Variants in MSH6 observed in about 807,000 individuals in gnomAD.
MSH6 encodes the protein mutS homolog 6, also known as DNA mismatch repair protein Msh6.
Under a neutral mutation model 119.1 loss-of-function variants are expected in MSH6, and 85 were observed. The observed-to-expected ratio is 0.71, with a 90% confidence interval of 0.60 to 0.85. The LOEUF is 0.85. Among genes scored for constraint, MSH6 ranks in the 40% least tolerant of loss-of-function variants. The probability of loss-of-function intolerance (pLI) is 0.00; values close to 1 mark genes in which losing one functional copy is unlikely to be tolerated. For synonymous variants in MSH6, 830 were observed against 586.9 expected (o/e 1.41, Z -5.99); for missense variants, 2,163 against 1,655.3 (o/e 1.31, Z -5.32).
At chr2:47,801,442 A>G in intron 4 of MSH6, 1 of 331,656 alleles carries the variant, frequency 3.0e-6, no homozygotes, top group Non-Finnish European at 5.3e-6. Context: ...AACCATGGCT[A>G]CTGCAGCCTC....
chr2:47,796,975 TCAA>T (rs1669136353), intron 3 of MSH6, among the ~76,000 whole-genome samples: 1 of 152,064 alleles, frequency 6.6e-6, no homozygotes, highest in Non-Finnish European at 1.5e-5. Context: ...AAGAAGACTG[TCAA>T]CAACAACAAA....
intron 7 of MSH6, among the ~76,000 whole-genome samples, chr2:47,805,964 C>T (rs1037665115): frequency 6.6e-6 from 1 of 152,122 alleles, no homozygotes; most frequent in Admixed American, 6.5e-5. Context: ...GATGAGAACA[C>T]TAATAGGAGG....
chr2:47,805,309 A>G (rs1255306990), intron 6 of MSH6, among the ~76,000 whole-genome samples: 2 of 151,940 alleles, frequency 1.3e-5, no homozygotes, highest in Non-Finnish European at 2.9e-5. Context: ...CCTCTCGAGT[A>G]GCTGGGATTA....
In MSH6 at chr2:47,805,470, G is replaced by GC. The variant is rs927803458; in HGVS notation, c.3557-145dup. The GC allele has an allele frequency of 1.5e-5, 10 of 684,550 alleles. No homozygotes were observed. The African/African-American group carries it at 1.6e-4, about 11-fold the overall frequency. The allele number at this position is 684,550 out of a possible 1,614,324, so 42.4% of individuals were successfully genotyped here. A position where few individuals can be genotyped will look rare whatever the true frequency, so the allele number is the denominator to read the frequency against. ...TGGGATTACAGGCGTGAGCCACCGT[G>GC]CCCGGCCAATAATTGCATAGTCTCT... On this transcript the variant is annotated intron_variant, in intron 6 of 9. Coordinates refer to ENST00000234420, the MANE Select transcript of MSH6 (RefSeq NM_000179.3).
At chr2:47,792,106 A>C (rs1377586333) in intron 2 of MSH6, among the ~76,000 whole-genome samples, 1 of 152,036 alleles carries the variant, frequency 6.6e-6, no homozygotes, top group African/African-American at 2.4e-5. Context: ...TCCCCCTACC[A>C]AAGTGCTGGG....
chr2:47,788,922 GTTTTTTTTTTT>G lies in MSH6; in HGVS notation c.261-1990_261-1980del, dbSNP rs1558650240. On this transcript the variant is annotated intron_variant, in intron 1 of 9. Coordinates refer to ENST00000234420, the MANE Select transcript of MSH6 (RefSeq NM_000179.3). The stretch of plus-strand genomic sequence containing the variant: ...TTTCTTCTTCCTTTTTTTTTTTTTT[GTTTTTTTTTTT>G]TTTTTTTTTTTTTTGTGAGACGGAG... Among the ~76,000 whole-genome samples, 18 of 40,954 alleles carry G rather than the reference GTTTTTTTTTTT, an allele frequency of 4.4e-4. 1 individual carries two copies. Among genetic ancestry groups the G allele is most frequent in the Admixed American group, 2.0e-3 (5 of 2,552 alleles). 26.9% of individuals were successfully genotyped at this position (40,954 alleles called of 152,430 possible). A position where few individuals can be genotyped will look rare whatever the true frequency, so the allele number is the denominator to read the frequency against.
intron 4 of MSH6, chr2:47,801,360 A>ATTTTTTTTTTTTT (rs1220786181): frequency 4.6e-4 from 27 of 58,356 alleles, no homozygotes; most frequent in Admixed American, 6.6e-4. Flanking sequence ...GCCTTTCTTC[A>ATTTTTTTTTTTTT]GTTTTTTTTT....
In MSH6 at chr2:47,806,882, G is replaced by GAGTT. The variant is rs781241504; in HGVS notation, c.*23_*26dup. On this transcript the variant is annotated 3_prime_UTR_variant, in exon 10 of 10. Coordinates refer to ENST00000234420, the MANE Select transcript of MSH6 (RefSeq NM_000179.3). ...ATAGACTGACTACATTGGAAGCTTTGAGTTGACTTCTGACAAAGGTGGTAA... is the reference window on the plus strand; with the variant it reads ...ATAGACTGACTACATTGGAAGCTTTGAGTTAGTTGACTTCTGACAAAGGTGGTAA... The GAGTT allele has an allele frequency of 1.6e-5, 25 of 1,556,156 alleles. No homozygotes were observed. The highest frequency in any genetic ancestry group is 2.1e-5 in the Non-Finnish European group (24 of 1,128,230).
chr2:47,785,954 G>T (rs999836537), intron 1 of MSH6, among the ~76,000 whole-genome samples: 1 of 152,160 alleles, frequency 6.6e-6, no homozygotes, highest in African/African-American at 2.4e-5. Flanking sequence ...TTGATACTAG[G>T]TTTCTAAAGA....
In MSH6 at chr2:47,799,275, A is replaced by G. The variant is rs1558661244; in HGVS notation, c.1292A>G (p.Lys431Arg). 1 of 1,614,040 alleles carries G rather than the reference A, an allele frequency of 6.2e-7. No homozygotes were observed. Among genetic ancestry groups the G allele is most frequent in the South Asian group, 1.1e-5 (1 of 91,070 alleles). Residue 431 changes from lysine (K) to arginine (R), a missense_variant, in exon 4 of 10, where the codon AAA becomes AGA. Transcript: ENST00000234420. ...FDLVICYKVG[K>R]FYELYHMDAL... The stretch of plus-strand genomic sequence containing the variant: ...CTTGTCATCTGTTACAAGGTGGGGA[A>G]ATTTTATGAGCTGTACCACATGGAT...
chr2:47,789,726 C>G (rs1668610389), intron 1 of MSH6, among the ~76,000 whole-genome samples: 1 of 152,210 alleles, frequency 6.6e-6, no homozygotes, highest in Non-Finnish European at 1.5e-5. Flanking sequence ...AACCTATACA[C>G]ATCTTCCCCT....
chr2:47,806,930 A>ATAAACTTTATTTTT lies in MSH6; in HGVS notation c.*75_*88dup, dbSNP rs1277049941. 2.6e-6 allele frequency: 3 copies of ATAAACTTTATTTTT among 1,155,408 alleles called. No homozygotes were observed. Among genetic ancestry groups the ATAAACTTTATTTTT allele is most frequent in the Non-Finnish European group, 3.9e-6 (3 of 777,470 alleles). 71.6% of individuals were successfully genotyped at this position (1,155,408 alleles called of 1,614,324 possible). A position where few individuals can be genotyped will look rare whatever the true frequency, so the allele number is the denominator to read the frequency against. ...TAAATTCAGACAACATTATGATCTA[A>ATAAACTTTATTTTT]TAAACTTTATTTTTTAAAAATGACC... is the stretch of plus-strand genomic sequence containing the variant. On this transcript the variant is annotated 3_prime_UTR_variant, in exon 10 of 10. Coordinates refer to ENST00000234420, the MANE Select transcript of MSH6 (RefSeq NM_000179.3).
chr2:47,796,112 G>C (rs2104243234), intron 3 of MSH6, 49 bp downstream of exon 3: 1 of 1,590,074 alleles, frequency 6.3e-7, no homozygotes, highest in Non-Finnish European at 8.6e-7. Flanking sequence ...GGTGATGGGG[G>C]AAGAAAGGGG....
At chr2:47,807,039 A>ATAT (rs1670256816), downstream of MSH6, 2 of 618,862 alleles carry the variant, frequency 3.2e-6, no homozygotes, top group South Asian at 3.9e-5. Flanking sequence ...ACTCCACAAT[A>ATAT]TATTAAGTCT....
chr2:47,804,642 TCTG>T (rs1253314963), intron 5 of MSH6, among the ~76,000 whole-genome samples: 65 of 152,264 alleles, frequency 4.3e-4, no homozygotes, highest in Non-Finnish European at 7.8e-4. Flanking sequence ...GTGATTCTAT[TCTG>T]GCCAGCGTTG....
rs1114167745 is a variant in MSH6, at chr2:47,799,478, A to T, written c.1495A>T (p.Met499Leu). The change falls in exon 4 of 10, where the codon ATG becomes TTG. Residue 499 changes from methionine (M) to leucine (L), a missense_variant. Met to Leu is a conservative substitution (Grantham distance 15, BLOSUM62 2). Transcript: ENST00000234420. Reference sequence around the variant, plus strand: ...AATGATGGAGGCACGATGTAGAAAGATGGCACATATATCCAAGTATGATAG... The same window carrying T: ...AATGATGGAGGCACGATGTAGAAAGTTGGCACATATATCCAAGTATGATAG... ...PEMMEARCRKMAHISKYDRVV... is the reference protein window; with the variant it reads ...PEMMEARCRKLAHISKYDRVV... The T allele has an allele frequency of 6.2e-7, 1 of 1,614,206 alleles. No homozygotes were observed. The highest frequency in any genetic ancestry group is 1.3e-5 in the African/African-American group (1 of 75,050).
At chr2:47,809,280 AAG>A (rs1558400628), downstream of MSH6, 1 of 1,462,196 alleles carries the variant, frequency 6.8e-7, no homozygotes, top group Middle Eastern at 1.9e-4. Flanking sequence ...TAATAAAAGA[AAG>A]AATAAGTAAA....
At position 47,806,648 on chromosome 2, in the gene MSH6, T is replaced by TTCGGTAACTAACTAACTATAATGGAA; in HGVS notation, c.4000_4001+24dup. On this transcript the variant is annotated stop_gained and frameshift_variant, in exon 9 of 10. Transcript: ENST00000234420. LOFTEE classifies it high-confidence loss of function. ...AAGATGAATCAGTCACTACGATTAT[T>TTCGGTAACTAACTAACTATAATGGAA]TCGGTAACTAACTAACTATAATGGA... 2 of 1,609,082 alleles carry TTCGGTAACTAACTAACTATAATGGAA rather than the reference T, an allele frequency of 1.2e-6. No homozygotes were observed. The highest frequency in any genetic ancestry group is 2.2e-5 in the South Asian group (2 of 90,984).
At chr2:47,801,361 GTTTTTTTT>G (rs10666222) in intron 4 of MSH6, 45 of 90,004 alleles carry the variant, frequency 5.0e-4, no homozygotes, top group Middle Eastern at 0.012. Context: ...CCTTTCTTCA[GTTTTTTTT>G]TTTTTTTTTT....
Sources: gnomAD v4.1 joint callset for allele counts (sites outside exome capture counted in the v4.1 genomes callset) on GRCh38, gnomAD v4.1.1 for gene constraint, MANE v1.5 for transcripts, NCBI Gene and HGNC (gene_info 2026-07-23, HGNC 2026-07-21) for gene names.